The following KANK2 variants were observed in gnomAD, a reference collection of about 807,000 sequenced individuals.
KANK2 encodes KN motif and ankyrin repeat domains 2, also known as KN motif and ankyrin repeat domain-containing protein 2.
A neutral mutation model predicts 74.6 loss-of-function variants in KANK2; 41 were observed. The observed-to-expected ratio is 0.55, with a 90% confidence interval of 0.43 to 0.71. The LOEUF (loss-of-function observed/expected upper bound fraction) is 0.71. KANK2 is among the 30% of genes least tolerant of loss of function. KANK2 has a pLI of 0.00. For synonymous variants in KANK2, 537 were observed against 519.0 expected, an observed-to-expected ratio of 1.03 and a Z score of -0.47; for missense variants, 1,148 against 1,196.4, an observed-to-expected ratio of 0.96 and a Z score of 0.60.
At position 11,186,350 on chromosome 19, in the gene KANK2, C is replaced by T. The variant is rs144275549; in HGVS notation, c.1249+6481G>A. Among the ~76,000 whole-genome samples the T allele has an allele frequency of 5.6e-3, 819 of 147,290 alleles. 8 individuals carry two copies. Among genetic ancestry groups the T allele is most frequent in the African/African-American group, 0.019 (753 of 39,778 alleles). On this transcript the variant is annotated intron_variant, in intron 4 of 12. Transcript: ENST00000586659. ...TTGCAGTGAGCCAAGATCGCGCCACCGCACTCCAGCCTGAGAAACAGAGCA... is the reference window on the plus strand; with the variant it reads ...TTGCAGTGAGCCAAGATCGCGCCACTGCACTCCAGCCTGAGAAACAGAGCA...
intron 4 of KANK2, among the ~76,000 whole-genome samples, chr19:11,189,849 T>C (rs1029349786): frequency 6.6e-6 from 1 of 152,104 alleles, no homozygotes; most frequent in Non-Finnish European, 1.5e-5. Flanking sequence ...GGTGGTTGCC[T>C]CTCAGAGATT....
At position 11,178,702 on chromosome 19, in the gene KANK2, G is replaced by T. The variant is rs2078425461; in HGVS notation, c.1268C>A (p.Ala423Asp). 9.8e-6 allele frequency: 15 copies of T among 1,535,734 alleles called. No homozygotes were observed. Among genetic ancestry groups the T allele is most frequent in the Non-Finnish European group, 1.3e-5 (15 of 1,146,870 alleles). Residue 423 changes from alanine (A) to aspartate (D), a missense_variant, in exon 5 of 13, where the codon GCC becomes GAC. Transcript: ENST00000586659. Reference protein sequence around the residue: ...DGAAGLPEVPAESSSSPPGSE... With the variant: ...DGAAGLPEVPDESSSSPPGSE... ...CCCCGGGGGTGACGAAGACGATTCG[G>T]CAGGAACTTCTGGGAGGCCTGGAGG...
chr19:11,181,473 C>T (rs912726572), intron 4 of KANK2, among the ~76,000 whole-genome samples: 5 of 152,082 alleles, frequency 3.3e-5, no homozygotes, highest in Non-Finnish European at 5.9e-5. Context: ...TCTTGAACTC[C>T]TGACCTCAAG....
At chr19:11,168,880 C>G (rs1360089076) in intron 12 of KANK2, among the ~76,000 whole-genome samples, 2 of 152,110 alleles carry the variant, frequency 1.3e-5, no homozygotes, top group Non-Finnish European at 2.9e-5. Flanking sequence ...TAGCGTGAAC[C>G]CCATGCACAA....
chr19:11,191,770 G>C (rs2078853749), intron 4 of KANK2, among the ~76,000 whole-genome samples: 1 of 152,174 alleles, frequency 6.6e-6, no homozygotes, highest in African/African-American at 2.4e-5. Context: ...TGATATCTGA[G>C]CACTGAGGCC....
At chr19:11,188,444 A>G (rs2078739982) in intron 4 of KANK2, among the ~76,000 whole-genome samples, 1 of 150,922 alleles carries the variant, frequency 6.6e-6, no homozygotes, top group African/African-American at 2.4e-5. Flanking sequence ...ACCTCAGGTG[A>G]TCTGCCCACT....
At position 11,164,315 on chromosome 19, in the gene KANK2, A is replaced by C. The variant is rs2077971193; in HGVS notation, c.*2243T>G. On this transcript the variant is annotated 3_prime_UTR_variant, in exon 13 of 13. Transcript: ENST00000586659. ...ATTAAATTTGTTTACCTTCTAAAAA[A>C]AACGATTACAAAAAAGAATACTTCA... 1 of 152,210 alleles carries C rather than the reference A, an allele frequency of 6.6e-6. No homozygotes were observed. Among genetic ancestry groups the C allele is most frequent in the African/African-American group, 2.4e-5 (1 of 41,454 alleles). The allele number at this position is 152,210 out of a possible 1,614,324, so 9.4% of individuals were successfully genotyped here.
intron 4 of KANK2, among the ~76,000 whole-genome samples, chr19:11,182,792 G>A (rs1200118794): frequency 8.0e-6 from 1 of 125,568 alleles, no homozygotes; most frequent in African/African-American, 3.1e-5. Flanking sequence ...GCAGTGAGCC[G>A]ATATTATGCC....
rs1433518264 is a variant in KANK2 at position 11,193,298 on chromosome 19, GCCACTGGGT to G, written c.773_781del (p.Asp258_Val260del). ...GGTGCCCACACTCCGGGTCTCCAGT[GCCACTGGGT>G]CCTCTGGGGGATCGGGGAGGTCCAG... On this transcript the variant is annotated inframe_deletion, in exon 4 of 13. Transcript: ENST00000586659. The surrounding 1 kb of genome is among the most constrained non-coding windows in gnomAD (Gnocchi z 9.6). 6 of 1,612,082 alleles carry G rather than the reference GCCACTGGGT, an allele frequency of 3.7e-6. No individual in the cohort carries two copies. The highest frequency in any genetic ancestry group is 5.1e-6 in the Non-Finnish European group (6 of 1,179,952).
chr19:11,181,286 G>A (rs1019340698), intron 4 of KANK2, among the ~76,000 whole-genome samples: 3 of 150,664 alleles, frequency 2.0e-5, no homozygotes, highest in Admixed American at 1.3e-4. Flanking sequence ...TTTCTCCATC[G>A]TCCAGGCTGG....
intron 4 of KANK2, among the ~76,000 whole-genome samples, chr19:11,187,473 T>C (rs1008362859): frequency 5.9e-5 from 9 of 151,944 alleles, no homozygotes; most frequent in South Asian, 2.1e-4. Flanking sequence ...GGAAGGTGGT[T>C]TGTAAGGAAT....
intron 3 of KANK2, 60 bp from the exon 4 acceptor site, chr19:11,194,102 G>C (rs1339376482): frequency 2.0e-6 from 3 of 1,514,906 alleles, no homozygotes; most frequent in Non-Finnish European, 1.8e-6. Context: ...TCAGGGTGAA[G>C]ACTGATGCCT....
intron 4 of KANK2, among the ~76,000 whole-genome samples, chr19:11,184,239 G>C (rs1275154745): frequency 7.2e-6 from 1 of 139,354 alleles, no homozygotes. Context: ...AGCAGAGTAT[G>C]CTGGCAGGCA....
chr19:11,171,683 A>AT (rs1015878710), intron 10 of KANK2, among the ~76,000 whole-genome samples: 276 of 133,564 alleles, frequency 2.1e-3, no homozygotes, highest in Middle Eastern at 4.3e-3. Flanking sequence ...CCTCACCTTA[A>AT]TTTTTTTTTT....
rs1243741923 is a variant in KANK2 at position 11,175,976 on chromosome 19, G to A, written c.1774C>T (p.Pro592Ser). 6.2e-7 allele frequency: 1 copy of A among 1,613,358 alleles called. No individual in the cohort carries two copies. The highest frequency in any genetic ancestry group is 1.3e-5 in the African/African-American group (1 of 74,918). ...TEEEIRMELS[P>S]DLISACLALE... ...GCCAAGCAGGCTGAGATGAGGTCAGGGCTTAGCTCCATCCTGCCAGGAACA... is the reference window on the plus strand; with the variant it reads ...GCCAAGCAGGCTGAGATGAGGTCAGAGCTTAGCTCCATCCTGCCAGGAACA... The change falls in exon 8 of 13, where the codon CCT becomes TCT. Residue 592 changes from proline to serine, a missense_variant. Transcript: ENST00000586659.
intron 12 of KANK2, 102 bp from the exon 13 acceptor site, chr19:11,166,713 G>A: frequency 9.0e-7 from 1 of 1,107,514 alleles, no homozygotes; most frequent in Non-Finnish European, 1.4e-6. Flanking sequence ...TAAGCAGGAG[G>A]GAGGCGTGGC....
intron 4 of KANK2, chr19:11,192,336 ATT>A (rs2078868439): frequency 5.6e-6 from 1 of 179,522 alleles, no homozygotes; most frequent in Non-Finnish European, 1.2e-5. Context: ...TGGCTGCACA[ATT>A]CTCCTCCTTT....
intron 8 of KANK2, 65 bp from the exon 9 acceptor site, chr19:11,174,757 C>T: frequency 7.7e-7 from 1 of 1,293,204 alleles, no homozygotes; most frequent in Admixed American, 2.0e-5. Flanking sequence ...ACCCCCCACC[C>T]CAGATGCGCC....
intron 4 of KANK2, among the ~76,000 whole-genome samples, chr19:11,179,997 A>C (rs1395400332): frequency 1.3e-5 from 2 of 152,224 alleles, no homozygotes; most frequent in East Asian, 3.9e-4. Context: ...AGCGGCAGGC[A>C]GTAAAGGCGC....
Sources: allele counts gnomAD v4.1 joint callset (sites outside exome capture counted in the v4.1 genomes callset), GRCh38; gene constraint gnomAD v4.1.1; non-coding constraint Gnocchi (gnomAD v3.1); transcripts MANE v1.5; gene names NCBI Gene and HGNC (gene_info 2026-07-23, HGNC 2026-07-21).